PRKCH: variants seen among roughly 807,000 people sequenced by gnomAD.
PRKCH encodes the protein protein kinase C eta.
Under a neutral mutation model 82.5 loss-of-function variants are expected in PRKCH, and 28 were observed. That is an observed-to-expected ratio of 0.34 (90% CI 0.25 to 0.47). The LOEUF (loss-of-function observed/expected upper bound fraction) is 0.47, where lower values mean the gene tolerates loss of function less well. Among genes scored for constraint, PRKCH ranks in the 20% least tolerant of loss-of-function variants. PRKCH has a pLI of 1.00. For missense variants in PRKCH, 705 were observed against 881.8 expected (o/e 0.80, Z 2.54); for synonymous variants, 322 against 327.4 (o/e 0.98, Z 0.18).
chr14:61,268,155 C>T (rs756721119), intron 1 of PRKCH, among the ~76,000 whole-genome samples: 3 of 152,136 alleles, frequency 2.0e-5, no homozygotes, highest in Non-Finnish European at 4.4e-5. Flanking sequence ...ATGACAGCTA[C>T]ATCCTGACCA....
chr14:61,407,062 A>G (rs1479658718), intron 2 of PRKCH, among the ~76,000 whole-genome samples: 1 of 152,170 alleles, frequency 6.6e-6, no homozygotes, highest in Non-Finnish European at 1.5e-5. Context: ...CTACTCAGAA[A>G]GGGAGAACAA....
chr14:61,465,522 T>C (rs1885216876), intron 9 of PRKCH, among the ~76,000 whole-genome samples: 1 of 152,220 alleles, frequency 6.6e-6, no homozygotes, highest in African/African-American at 2.4e-5. Context: ...TTGTTGATAA[T>C]TAATTGATTG....
chr14:61,251,188 C>T (rs1473745250), intron 1 of PRKCH, among the ~76,000 whole-genome samples: 5 of 152,120 alleles, frequency 3.3e-5, no homozygotes, highest in African/African-American at 9.7e-5. Flanking sequence ...TCCCCTCAAG[C>T]GTTTATCCTT....
At chr14:61,238,372 T>A (rs1397444861) in intron 1 of PRKCH, among the ~76,000 whole-genome samples, 3 of 152,216 alleles carry the variant, frequency 2.0e-5, no homozygotes, top group Non-Finnish European at 4.4e-5. Flanking sequence ...TCTTGATTAA[T>A]CTGCCTGAGT....
intron 1 of PRKCH, among the ~76,000 whole-genome samples, chr14:61,348,280 C>G (rs903708764): frequency 6.6e-6 from 1 of 152,072 alleles, no homozygotes; most frequent in Non-Finnish European, 1.5e-5. Context: ...GTGGTGCACC[C>G]AGTTTTAAAA....
intron 10 of PRKCH, among the ~76,000 whole-genome samples, chr14:61,505,163 C>T (rs1887081005): frequency 6.6e-6 from 1 of 152,120 alleles, no homozygotes; most frequent in Non-Finnish European, 1.5e-5. Context: ...GTATTTCTTA[C>T]TCCATTGGAC....
intron 1 of PRKCH, among the ~76,000 whole-genome samples, chr14:61,249,175 G>A (rs1475231478): frequency 6.6e-6 from 1 of 152,080 alleles, no homozygotes; most frequent in Non-Finnish European, 1.5e-5. Flanking sequence ...TATTGTGTAT[G>A]GTGTGGTCTA....
intron 1 of PRKCH, among the ~76,000 whole-genome samples, chr14:61,340,575 T>C (rs939965317): frequency 7.2e-5 from 11 of 152,174 alleles, no homozygotes; most frequent in Admixed American, 7.2e-4. Flanking sequence ...CAAACCACTT[T>C]ATACTCCGTC....
At chr14:61,384,833 A>C (rs2046563325) in intron 1 of PRKCH, among the ~76,000 whole-genome samples, 1 of 152,040 alleles carries the variant, frequency 6.6e-6, no homozygotes, top group South Asian at 2.1e-4. Context: ...TAGAAACAAC[A>C]TAGAGAACCC....
At chr14:61,476,985 C>T (rs2140318838) in intron 9 of PRKCH, among the ~76,000 whole-genome samples, 1 of 152,270 alleles carries the variant, frequency 6.6e-6, no homozygotes, top group East Asian at 1.9e-4. Flanking sequence ...ATCAGATTTC[C>T]TCATGCGGGT....
At position 61,517,032 on chromosome 14, in the gene PRKCH, A is replaced by G. The variant is rs1311159913; in HGVS notation, c.1434-12043A>G. On this transcript the variant is annotated intron_variant, in intron 10 of 13. Transcript: ENST00000332981. ...GGCTCAGGTTTAATCTCTAATGGGG[A>G]TAGCAGGGAACCAGATGAGACCTGC... Among the ~76,000 whole-genome samples the G allele has an allele frequency of 2.0e-5, 3 of 152,202 alleles. No individual in the cohort carries two copies. In the East Asian group the frequency reaches 5.8e-4, roughly 29 times the overall value.
chr14:61,380,680 G>C (rs573650985), intron 1 of PRKCH, among the ~76,000 whole-genome samples: 2 of 152,250 alleles, frequency 1.3e-5, no homozygotes, highest in South Asian at 4.1e-4. Flanking sequence ...AGATCCTAAG[G>C]CATCCTTCAT....
intron 1 of PRKCH, among the ~76,000 whole-genome samples, chr14:61,350,835 C>G (rs957299387): frequency 1.2e-4 from 18 of 152,186 alleles, no homozygotes; most frequent in Non-Finnish European, 2.4e-4. Flanking sequence ...TGTTATAGAT[C>G]TTACAGTGCT....
chr14:61,406,100 T>C (rs1881933479), intron 2 of PRKCH, among the ~76,000 whole-genome samples: 1 of 152,202 alleles, frequency 6.6e-6, no homozygotes, highest in African/African-American at 2.4e-5. Flanking sequence ...TTCCAGTGGT[T>C]GGCCAATTTG....
intron 1 of PRKCH, among the ~76,000 whole-genome samples, chr14:61,386,610 A>C (rs920842539): frequency 3.9e-5 from 6 of 152,148 alleles, no homozygotes; most frequent in Non-Finnish European, 8.8e-5. Flanking sequence ...GTGTCCTGGA[A>C]GTAAGGAATG....
chr14:61,407,267 A>G (rs1363399107), intron 2 of PRKCH, among the ~76,000 whole-genome samples: 1 of 152,172 alleles, frequency 6.6e-6, no homozygotes, highest in African/African-American at 2.4e-5. Context: ...TGTCTCTGTA[A>G]AATGAATAAT....
chr14:61,399,374 C>G (rs558027784), intron 2 of PRKCH, among the ~76,000 whole-genome samples: 3 of 152,310 alleles, frequency 2.0e-5, no homozygotes, highest in African/African-American at 7.2e-5. Context: ...CCTCTTTCCA[C>G]TTACAAATTA....
chr14:61,388,241 T>A (rs1415997229), intron 1 of PRKCH, among the ~76,000 whole-genome samples: 1 of 152,236 alleles, frequency 6.6e-6, no homozygotes, highest in East Asian at 1.9e-4. Flanking sequence ...ACCTGCAGTT[T>A]GTAAAACCCT....
In PRKCH at chr14:61,450,937, C is replaced by T. The variant is rs201677117; in HGVS notation, c.798C>T (p.Leu266=). 4.0e-5 allele frequency: 64 copies of T among 1,614,012 alleles called. No homozygotes were observed. The highest frequency in any genetic ancestry group is 4.6e-5 in the Non-Finnish European group (54 of 1,179,998). ...TCTGCGATCACTGTGGCTCACTGCT[C>T]TGGGGAATAATGCGACAAGGACTTC... The part of the protein sequence containing the change: ...PTFCDHCGSL[L]WGIMRQGLQC... Residue 266 remains leucine, a synonymous_variant, in exon 6 of 14, where the codon CTC becomes CTT. Transcript: ENST00000332981.
Sources: gnomAD v4.1 joint callset for allele counts (sites outside exome capture counted in the v4.1 genomes callset) on GRCh38, gnomAD v4.1.1 for gene constraint, MANE v1.5 for transcripts, NCBI Gene and HGNC (gene_info 2026-07-23, HGNC 2026-07-21) for gene names.